GFPT2: variants seen among roughly 807,000 people sequenced by gnomAD.
The protein encoded by GFPT2 is glutamine--fructose-6-phosphate transaminase 2.
In GFPT2, 62 loss-of-function variants were observed where a neutral mutation model predicts 85.6. The observed-to-expected ratio is 0.72, with a 90% CI of 0.59 to 0.90. The LOEUF (loss-of-function observed/expected upper bound fraction) is 0.90, where lower values mean the gene tolerates loss of function less well. GFPT2 is among the 40% of genes least tolerant of loss of function. The pLI is 0.00. For missense variants in GFPT2, 788 were observed against 893.4 expected (o/e 0.88, Z 1.50); for synonymous variants, 368 against 344.5 (o/e 1.07, Z -0.75).
At chr5:180,335,765 C>T in intron 4 of GFPT2, 63 bp downstream of exon 4, 1 of 1,542,674 alleles carries the variant, frequency 6.5e-7, no homozygotes, top group Non-Finnish European at 8.8e-7. Flanking sequence ...CTTTGGCGGG[C>T]ACTGGCCCTG....
Position 180,318,684 on chromosome 5 carries a change from A to G in GFPT2, c.958+109T>C. On this transcript the variant is annotated intron_variant, in intron 10 of 18. Coordinates refer to ENST00000253778, the MANE Select transcript of GFPT2 (RefSeq NM_005110.4). The surrounding 1 kb of genome is among the most constrained non-coding windows in gnomAD (Gnocchi z 4.2). ...CCTGCAGCCCCGCCCTGGTGGCCAC[A>G]GAGGGCAGGAGGGCTGTGGCCTCTA... 1 of 925,486 alleles carries G rather than the reference A, an allele frequency of 1.1e-6. No individual in the cohort carries two copies. The highest frequency in any genetic ancestry group is 1.7e-6 in the Non-Finnish European group (1 of 603,280). The allele number at this position is 925,486 out of a possible 1,614,324, so 57.3% of individuals were successfully genotyped here.
At chr5:180,342,938 AAAC>A (rs753874483) in intron 1 of GFPT2, among the ~76,000 whole-genome samples, 27 of 152,150 alleles carry the variant, frequency 1.8e-4, no homozygotes, top group Non-Finnish European at 3.7e-4. Flanking sequence ...AGAAAGAAAA[AAAC>A]AACAACCAGA....
At chr5:180,329,094 C>A (rs960795485) in intron 6 of GFPT2, among the ~76,000 whole-genome samples, 3 of 152,224 alleles carry the variant, frequency 2.0e-5, no homozygotes, top group African/African-American at 4.8e-5. Flanking sequence ...TCCTGACCAT[C>A]CTGTACTAAC....
In GFPT2 at chr5:180,312,431, AG is replaced by A. The variant is rs765570371; in HGVS notation, c.1544del (p.Pro515LeufsTer3). On this transcript the variant is annotated frameshift_variant and splice_region_variant, in exon 15 of 19. Coordinates refer to ENST00000253778, the MANE Select transcript of GFPT2 (RefSeq NM_005110.4). LOFTEE classifies it high-confidence loss of function. ...GGAAAGCTGAATTCTAGAACATACCAGGTAAAGATCTCAAGCCACGGATGAT... is the reference window on the plus strand; with the variant it reads ...GGAAAGCTGAATTCTAGAACATACCAGTAAAGATCTCAAGCCACGGATGAT... ...QEIIRGLRSL[P>X]ELIKEVLSLE... 6.7e-7 allele frequency: 1 copy of A among 1,499,256 alleles called. No individual in the cohort carries two copies. Among genetic ancestry groups the A allele is most frequent in the African/African-American group, 1.4e-5 (1 of 72,830 alleles). 92.9% of individuals were successfully genotyped at this position (1,499,256 alleles called of 1,614,324 possible).
intron 15 of GFPT2, among the ~76,000 whole-genome samples, chr5:180,308,647 G>A (rs1247520565): frequency 1.3e-5 from 2 of 152,190 alleles, no homozygotes; most frequent in Admixed American, 6.5e-5. Context: ...AAGGGTAGGT[G>A]CCAATATAGA....
chr5:180,348,738 T>C (rs1460900860), intron 1 of GFPT2, among the ~76,000 whole-genome samples: 1 of 151,884 alleles, frequency 6.6e-6, no homozygotes, highest in Non-Finnish European at 1.5e-5. Flanking sequence ...TTTTCTTTTT[T>C]TTTTTTTTTG....
intron 1 of GFPT2, among the ~76,000 whole-genome samples, chr5:180,348,659 G>C (rs557510573): frequency 1.3e-5 from 2 of 152,196 alleles, no homozygotes; most frequent in South Asian, 4.1e-4. Flanking sequence ...AGGAGTTAAA[G>C]TGACCTCACC....
At chr5:180,302,212 A>G (rs796445294) in intron 18 of GFPT2, among the ~76,000 whole-genome samples, 10 of 151,140 alleles carry the variant, frequency 6.6e-5, no homozygotes, top group Admixed American at 2.0e-4. Context: ...GCTTGAACCC[A>G]GGAGGTGGAG....
At chr5:180,316,661 A>C in intron 12 of GFPT2, 103 bp downstream of exon 12, 2 of 959,514 alleles carry the variant, frequency 2.1e-6, no homozygotes, top group South Asian at 3.1e-5. Flanking sequence ...AATGGGTACA[A>C]GGGCTTAGCC....
In GFPT2 at chr5:180,328,548, T is replaced by C. The variant is rs757269423; in HGVS notation, c.535-210A>G. Among the ~76,000 whole-genome samples the C allele has an allele frequency of 1.3e-5, 2 of 152,138 alleles. No homozygotes were observed. The highest frequency in any genetic ancestry group is 2.9e-5 in the Non-Finnish European group (2 of 68,016). On this transcript the variant is annotated intron_variant, in intron 6 of 18. Transcript: ENST00000253778. This position sits in a 1 kb window ranked among gnomAD's most constrained non-coding sequence, Gnocchi z 5.4. Reference sequence around the variant, plus strand: ...ACGGGAAGTACCACAAACCAGAACATGTGAATTCCACGGTGAGCGATGTGC... The same window carrying C: ...ACGGGAAGTACCACAAACCAGAACACGTGAATTCCACGGTGAGCGATGTGC...
intron 9 of GFPT2, among the ~76,000 whole-genome samples, chr5:180,319,778 A>G (rs1764083890): frequency 6.6e-6 from 1 of 152,136 alleles, no homozygotes; most frequent in East Asian, 1.9e-4. Flanking sequence ...AATAAGATCG[A>G]GCTTTTAACA....
intron 5 of GFPT2, 23 bp downstream of exon 5, chr5:180,331,472 A>G (rs1046732532): frequency 3.5e-6 from 5 of 1,438,890 alleles, no homozygotes; most frequent in Non-Finnish European, 4.9e-6. Context: ...GGACTGAGAC[A>G]TCACCTAGGG....
intron 2 of GFPT2, among the ~76,000 whole-genome samples, chr5:180,336,980 C>T (rs1156421059): frequency 1.3e-5 from 2 of 152,252 alleles, no homozygotes; most frequent in East Asian, 1.9e-4. Flanking sequence ...GTCTATCGGA[C>T]GTGCTTCCTA....
At chr5:180,337,145 G>C (rs547507599) in intron 2 of GFPT2, among the ~76,000 whole-genome samples, 1 of 152,346 alleles carries the variant, frequency 6.6e-6, no homozygotes, top group Admixed American at 6.5e-5. Context: ...TAGCCACTTA[G>C]AAAGCTACTT....
intron 1 of GFPT2, among the ~76,000 whole-genome samples, chr5:180,346,116 A>G (rs554887487): frequency 6.6e-6 from 1 of 152,098 alleles, no homozygotes; most frequent in East Asian, 1.9e-4. Context: ...CCGCATGCCA[A>G]CCCTTCCCGA....
Position 180,318,777 on chromosome 5 carries a change from T to C in GFPT2, c.958+16A>G. 1 of 1,612,036 alleles carries C rather than the reference T, an allele frequency of 6.2e-7. No homozygotes were observed. The highest frequency in any genetic ancestry group is 8.5e-7 in the Non-Finnish European group (1 of 1,178,630). ...GCTCCCGAGGCTGCCGCACGTGGAC[T>C]CTGGAGGACACCTGCCTTTCATGAT... On this transcript the variant is annotated intron_variant, in intron 10 of 18. Coordinates refer to ENST00000253778, the MANE Select transcript of GFPT2 (RefSeq NM_005110.4). This position sits in a 1 kb window ranked among gnomAD's most constrained non-coding sequence, Gnocchi z 4.2.
chr5:180,326,563 G>A (rs1244319785), intron 7 of GFPT2, among the ~76,000 whole-genome samples: 6 of 152,284 alleles, frequency 3.9e-5, no homozygotes, highest in African/African-American at 1.4e-4. Context: ...TTCTCAAAGC[G>A]GGGGACAAAG....
chr5:180,309,004 G>T (rs940273695), intron 15 of GFPT2, among the ~76,000 whole-genome samples: 6 of 151,926 alleles, frequency 3.9e-5, no homozygotes, highest in Admixed American at 1.3e-4. Flanking sequence ...TGAGTAGCTG[G>T]GATTACAGGT....
At chr5:180,339,378 CAAA>C (rs34123923) in intron 1 of GFPT2, among the ~76,000 whole-genome samples, 2 of 65,024 alleles carry the variant, frequency 3.1e-5, no homozygotes, top group Non-Finnish European at 5.9e-5. Flanking sequence ...GACTCTGTCT[CAAA>C]AAAAAAAAAA....
Sources: gnomAD v4.1 joint callset for allele counts (sites outside exome capture counted in the v4.1 genomes callset) on GRCh38, gnomAD v4.1.1 for gene constraint, Gnocchi (gnomAD v3.1) non-coding constraint, MANE v1.5 for transcripts, NCBI Gene and HGNC (gene_info 2026-07-23, HGNC 2026-07-21) for gene names.